NTNG1: variants seen among roughly 807,000 people sequenced by gnomAD.
NTNG1 encodes the protein netrin-G1.
A neutral mutation model predicts 54.0 loss-of-function variants in NTNG1; 16 were observed. The ratio of observed to expected loss-of-function variants is 0.30; its 90% confidence interval spans 0.20 to 0.45. The LOEUF (loss-of-function observed/expected upper bound fraction) is 0.45, where lower values mean the gene tolerates loss of function less well. NTNG1 is among the 20% of genes least tolerant of loss of function. The pLI is 1.00. For missense variants in NTNG1, 530 were observed against 678.7 expected (o/e 0.78, Z 2.43); for synonymous variants, 255 against 263.1 (o/e 0.97, Z 0.30).
At chr1:107,320,284 T>C (rs902852944) in intron 2 of NTNG1, among the ~76,000 whole-genome samples, 5 of 152,172 alleles carry the variant, frequency 3.3e-5, no homozygotes, top group Admixed American at 3.3e-4. Flanking sequence ...ATATGTTGCT[T>C]GTGGGACTTA....
chr1:107,170,319 T>C (rs1337199830), intron 2 of NTNG1, among the ~76,000 whole-genome samples: 23 of 152,156 alleles, frequency 1.5e-4, no homozygotes. Context: ...AGTTATTTCT[T>C]TTTTTCTTGG....
In NTNG1 at chr1:107,484,735, A is replaced by G. The variant is rs1678929844; in HGVS notation, c.*3895A>G. On this transcript the variant is annotated 3_prime_UTR_variant, in exon 8 of 8. Coordinates refer to ENST00000370068, the MANE Select transcript of NTNG1 (RefSeq NM_001113226.3). The stretch of plus-strand genomic sequence containing the variant: ...GGAACAACTGTGAGGAAATCTTGAC[A>G]TCGAATATTTTGTTCCATCTCCTTC... 6.6e-6 allele frequency among the ~76,000 whole-genome samples: 1 copy of G among 152,208 alleles called. No individual in the cohort carries two copies. Among genetic ancestry groups the G allele is most frequent in the Non-Finnish European group, 1.5e-5 (1 of 68,046 alleles).
chr1:107,436,706 A>T lies in NTNG1; in HGVS notation c.1297A>T (p.Asn433Tyr), dbSNP rs750088401. The T allele has an allele frequency of 4.3e-6, 7 of 1,613,464 alleles. No individual in the cohort carries two copies. The South Asian group carries it at 7.7e-5, about 18-fold the overall frequency. Residue 433 changes from asparagine to tyrosine, a missense_variant, in exon 7 of 8, where the codon AAT becomes TAT. This residue lies in a region of NTNG1 where 212 missense variants were observed against 213.6 expected (regional missense o/e 0.99). Transcript: ENST00000370068. Reference sequence around the variant, plus strand: ...TTTGGGCTCAATCCATGATCGTTGTAATGGCTCAGGATTTTGTGAGTGTAA... The same window carrying T: ...TTTGGGCTCAATCCATGATCGTTGTTATGGCTCAGGATTTTGTGAGTGTAA... ...NPLGSIHDRCNGSGFCECKTG... is the reference protein window; with the variant it reads ...NPLGSIHDRCYGSGFCECKTG...
At chr1:107,408,754 T>G (rs893009102) in intron 5 of NTNG1, 1 of 152,022 alleles carries the variant, frequency 6.6e-6, no homozygotes, top group Admixed American at 6.6e-5. Flanking sequence ...ATTTTCACTG[T>G]AGTGTCATCC....
intron 7 of NTNG1, chr1:107,455,684 C>T (rs991256943): frequency 3.1e-5 from 14 of 454,646 alleles, no homozygotes; most frequent in African/African-American, 2.6e-4. Flanking sequence ...GAGGTGACAG[C>T]ACTGGAGAGC....
At chr1:107,315,858 G>A (rs189610998) in intron 2 of NTNG1, among the ~76,000 whole-genome samples, 1 of 152,250 alleles carries the variant, frequency 6.6e-6, no homozygotes, top group African/African-American at 2.4e-5. Context: ...CACAGTGTCT[G>A]TCATATCCAA....
intron 2 of NTNG1, among the ~76,000 whole-genome samples, chr1:107,172,735 C>T (rs1048785063): frequency 3.9e-5 from 6 of 152,226 alleles, no homozygotes; most frequent in Non-Finnish European, 8.8e-5. Flanking sequence ...GTTTGCCTTA[C>T]ATTATAGACT....
In NTNG1 at chr1:107,434,523, A is replaced by T. The variant is rs17019052; in HGVS notation, c.1256-2142A>T. Among the ~76,000 whole-genome samples the T allele has an allele frequency of 5.8e-3, 885 of 152,334 alleles. 13 individuals carry two copies. The highest frequency in any genetic ancestry group is 0.02 in the African/African-American group (846 of 41,590). Reference sequence around the variant, plus strand: ...CCTGAGTAATCACTGTTAATAATCCAGCTGACAAGCTTTGCATCACAATGA... The same window carrying T: ...CCTGAGTAATCACTGTTAATAATCCTGCTGACAAGCTTTGCATCACAATGA... On this transcript the variant is annotated intron_variant, in intron 6 of 7. Transcript: ENST00000370068.
At chr1:107,338,433 C>T (rs1216332266) in intron 3 of NTNG1, among the ~76,000 whole-genome samples, 1 of 151,870 alleles carries the variant, frequency 6.6e-6, no homozygotes, top group East Asian at 1.9e-4. Context: ...ATCATCTCTC[C>T]CCAGCTAGGT....
At chr1:107,406,828 T>C (rs1164754756) in intron 4 of NTNG1, among the ~76,000 whole-genome samples, 2 of 152,122 alleles carry the variant, frequency 1.3e-5, no homozygotes, top group African/African-American at 4.8e-5. Context: ...ATAAGCAACT[T>C]GCCCCAAAGT....
At chr1:107,235,221 G>C (rs115564936) in intron 2 of NTNG1, among the ~76,000 whole-genome samples, 2,781 of 152,216 alleles carry the variant, frequency 0.018, 52 homozygotes, top group Non-Finnish European at 0.027. Flanking sequence ...GAGCTTAGAA[G>C]CCATCACTAT....
intron 6 of NTNG1, among the ~76,000 whole-genome samples, chr1:107,433,783 C>G (rs560683961): frequency 4.6e-5 from 7 of 152,164 alleles, no homozygotes; most frequent in Admixed American, 1.3e-4. Flanking sequence ...CTGCTTGAGG[C>G]GCTGAGGACA....
chr1:107,359,247 A>C lies in NTNG1; in HGVS notation c.887+34325A>C, dbSNP rs74822270. On this transcript the variant is annotated intron_variant, in intron 3 of 7. Coordinates refer to ENST00000370068, the MANE Select transcript of NTNG1 (RefSeq NM_001113226.3). ...ATCCTGCGTGCCCAATTTTTCTCAT[A>C]AATGAAGTTGATAAATATAAACTAC... Among the ~76,000 whole-genome samples, 918 of 152,300 alleles carry C rather than the reference A, an allele frequency of 6.0e-3. 11 individuals are homozygous for C. The highest frequency in any genetic ancestry group is 0.051 in the East Asian group (266 of 5,178).
chr1:107,361,382 T>TAA (rs1670282088), intron 3 of NTNG1, among the ~76,000 whole-genome samples: 1 of 66,848 alleles, frequency 1.5e-5, no homozygotes, highest in Admixed American at 2.4e-4. Context: ...TACATATATA[T>TAA]ATATATATAT....
intron 1 of NTNG1, 162 bp downstream of exon 1, chr1:107,141,302 AG>A (rs1213011752): frequency 6.7e-6 from 1 of 149,952 alleles, no homozygotes; most frequent in Non-Finnish European, 1.5e-5. Flanking sequence ...CCGCCTGGGG[AG>A]GAGGCTCCGC....
intron 7 of NTNG1, among the ~76,000 whole-genome samples, chr1:107,472,701 A>T (rs984893918): frequency 1.1e-4 from 17 of 152,114 alleles, no homozygotes; most frequent in Non-Finnish European, 1.8e-4. Flanking sequence ...AGACCAGACC[A>T]TAAGGTCGGG....
At chr1:107,276,505 C>T (rs1664484279) in intron 2 of NTNG1, among the ~76,000 whole-genome samples, 2 of 152,060 alleles carry the variant, frequency 1.3e-5, no homozygotes, top group South Asian at 2.1e-4. Context: ...TCAAGGCTCA[C>T]ATCACTGAAT....
At position 107,167,277 on chromosome 1, in the gene NTNG1, G is replaced by A. The variant is rs943579588; in HGVS notation, c.246+18438G>A. Among the ~76,000 whole-genome samples the A allele has an allele frequency of 7.3e-5, 11 of 151,560 alleles. No individual in the cohort carries two copies. In the South Asian group the frequency reaches 1.0e-3, roughly 14 times the overall value. ...TGGCACGAATTTATGCATGTTCACC[G>A]AGAAGAACTTTATTTTAGAAGAATC... On this transcript the variant is annotated intron_variant, in intron 2 of 7. Coordinates refer to ENST00000370068, the MANE Select transcript of NTNG1 (RefSeq NM_001113226.3).
intron 3 of NTNG1, among the ~76,000 whole-genome samples, chr1:107,350,657 G>A (rs762809262): frequency 3.9e-5 from 6 of 152,124 alleles, no homozygotes; most frequent in Non-Finnish European, 5.9e-5. Flanking sequence ...ATGTTATTCA[G>A]CCTTAAAAAA....
Sources: allele counts gnomAD v4.1 joint callset (sites outside exome capture counted in the v4.1 genomes callset), GRCh38; gene constraint gnomAD v4.1.1; regional missense constraint gnomAD v4.1.1; transcripts MANE v1.5; gene names NCBI Gene and HGNC (gene_info 2026-07-23, HGNC 2026-07-21).